Variants in NRXN1 observed in about 807,000 individuals in gnomAD.
NRXN1 encodes the protein neurexin-1.
Under a neutral mutation model 150.9 loss-of-function variants are expected in NRXN1, and 39 were observed. That is an observed-to-expected ratio of 0.26 (90% CI 0.20 to 0.34). The LOEUF (loss-of-function observed/expected upper bound fraction) is 0.34, where lower values mean the gene tolerates loss of function less well. Ranked by LOEUF, NRXN1 falls within the 10% of genes least tolerant of loss-of-function variation. The probability of loss-of-function intolerance (pLI) is 1.00; values close to 1 mark genes in which losing one functional copy is unlikely to be tolerated. For missense variants in NRXN1, 1,815 were observed against 1,949.9 expected (o/e 0.93, Z 1.30); for synonymous variants, 924 against 757.0 (o/e 1.22, Z -3.62).
intron 17 of NRXN1, among the ~76,000 whole-genome samples, chr2:50,243,198 A>G (rs147758514): frequency 6.6e-6 from 1 of 151,844 alleles, no homozygotes; most frequent in East Asian, 1.9e-4. Flanking sequence ...GAAATGATAA[A>G]TATATGAGAT....
At chr2:50,612,687 A>G (rs1028277797) in intron 8 of NRXN1, among the ~76,000 whole-genome samples, 2 of 152,206 alleles carry the variant, frequency 1.3e-5, no homozygotes, top group Non-Finnish European at 2.9e-5. Context: ...ACATTGAGGC[A>G]CTACAGTGTT....
chr2:50,756,692 T>A (rs1212967136), intron 5 of NRXN1, among the ~76,000 whole-genome samples: 2 of 151,822 alleles, frequency 1.3e-5, no homozygotes, highest in African/African-American at 4.8e-5. Context: ...GAATAGGTGG[T>A]TGATTTACAA....
At chr2:50,696,641 C>T (rs1261823727) in intron 5 of NRXN1, among the ~76,000 whole-genome samples, 2 of 152,168 alleles carry the variant, frequency 1.3e-5, no homozygotes, top group African/African-American at 2.4e-5. Flanking sequence ...GTCAAAGCAG[C>T]TCTCTGTAGA....
At chr2:50,172,829 T>C (rs1220198689) in intron 18 of NRXN1, among the ~76,000 whole-genome samples, 1 of 151,944 alleles carries the variant, frequency 6.6e-6, no homozygotes, top group African/African-American at 2.4e-5. Context: ...TAGCCAGGCG[T>C]GGTAGTGGGC....
chr2:50,189,017 G>A (rs1443313312), intron 18 of NRXN1, among the ~76,000 whole-genome samples: 1 of 152,126 alleles, frequency 6.6e-6, no homozygotes, highest in East Asian at 1.9e-4. Context: ...CCATTACTGG[G>A]TATATACCCA....
At chr2:50,821,260 GT>G (rs997268138) in intron 5 of NRXN1, among the ~76,000 whole-genome samples, 2 of 152,144 alleles carry the variant, frequency 1.3e-5, no homozygotes, top group African/African-American at 4.8e-5. Flanking sequence ...AATTCTTAAA[GT>G]TTCTTAAAAC....
chr2:49,991,064 A>G (rs1376920337), intron 21 of NRXN1, among the ~76,000 whole-genome samples: 1 of 152,186 alleles, frequency 6.6e-6, no homozygotes, highest in Non-Finnish European at 1.5e-5. Context: ...AAAAAAATAA[A>G]ATAAATAGAA....
At chr2:50,180,100 T>A (rs544471185) in intron 18 of NRXN1, among the ~76,000 whole-genome samples, 64 of 152,206 alleles carry the variant, frequency 4.2e-4, no homozygotes, top group African/African-American at 1.5e-3. Context: ...GACCTCACTG[T>A]AGCCTTGAAC....
chr2:50,792,933 A>G (rs1021703117), intron 5 of NRXN1, among the ~76,000 whole-genome samples: 1 of 152,118 alleles, frequency 6.6e-6, no homozygotes, highest in Non-Finnish European at 1.5e-5. Flanking sequence ...CACTGATATT[A>G]CTGGTTCTAA....
chr2:50,824,546 T>G (rs1350201688), intron 5 of NRXN1, among the ~76,000 whole-genome samples: 1 of 152,110 alleles, frequency 6.6e-6, no homozygotes, highest in Non-Finnish European at 1.5e-5. Flanking sequence ...GCTGTATGAC[T>G]CCCTGAGAAT....
intron 17 of NRXN1, among the ~76,000 whole-genome samples, chr2:50,323,354 C>T (rs2076173798): frequency 6.6e-6 from 1 of 152,086 alleles, no homozygotes; most frequent in African/African-American, 2.4e-5. Context: ...AGTCTGGGGA[C>T]CACATTTTGA....
At chr2:51,026,367 T>TC in intron 2 of NRXN1, 1 of 1,570,210 alleles carries the variant, frequency 6.4e-7, no homozygotes, top group Non-Finnish European at 8.7e-7. Flanking sequence ...CACCACTCAC[T>TC]CACTTTCTGT....
chr2:50,646,708 C>CTTTTTTTTTTTTTTTT (rs552231598), intron 5 of NRXN1, among the ~76,000 whole-genome samples: 5 of 107,438 alleles, frequency 4.7e-5, no homozygotes, highest in Admixed American at 1.0e-4. Context: ...TTCATGTTGT[C>CTTTTTTTTTTTTTTTT]TTTTTTTTTT....
chr2:50,492,181 C>T (rs2091290752), intron 15 of NRXN1, among the ~76,000 whole-genome samples: 2 of 152,222 alleles, frequency 1.3e-5, no homozygotes, highest in South Asian at 2.1e-4. Flanking sequence ...GGAAATCATT[C>T]CAGAGAGCAA....
intron 2 of NRXN1, among the ~76,000 whole-genome samples, chr2:50,962,294 T>C (rs372306396): frequency 3.4e-4 from 52 of 151,898 alleles, no homozygotes; most frequent in Admixed American, 1.3e-3. Flanking sequence ...CCTATCTACT[T>C]TCCAGTTAAA....
chr2:50,655,067 T>C (rs1244430347), intron 5 of NRXN1, among the ~76,000 whole-genome samples: 2 of 151,870 alleles, frequency 1.3e-5, no homozygotes, highest in Admixed American at 1.3e-4. Context: ...TCTGGAAAAT[T>C]GGGATTTTCC....
intron 18 of NRXN1, among the ~76,000 whole-genome samples, chr2:50,142,376 A>G (rs181905007): frequency 6.6e-6 from 1 of 151,970 alleles, no homozygotes; most frequent in East Asian, 1.9e-4. Context: ...GATGGAAGAA[A>G]TATGTTCTAA....
At chr2:50,859,740 A>C (rs1574733840) in intron 5 of NRXN1, among the ~76,000 whole-genome samples, 1 of 151,934 alleles carries the variant, frequency 6.6e-6, no homozygotes, top group African/African-American at 2.4e-5. Flanking sequence ...AAATCAATTC[A>C]GCCTTGAGAA....
intron 5 of NRXN1, among the ~76,000 whole-genome samples, chr2:50,894,476 C>T (rs1681609483): frequency 6.6e-6 from 1 of 151,750 alleles, no homozygotes; most frequent in African/African-American, 2.4e-5. Context: ...TTGAAACTTC[C>T]TATTTTCCCC....
Sources: allele counts gnomAD v4.1 joint callset (sites outside exome capture counted in the v4.1 genomes callset), GRCh38; gene constraint gnomAD v4.1.1; transcripts MANE v1.5; gene names NCBI Gene and HGNC (gene_info 2026-07-23, HGNC 2026-07-21).